Variants in HNRNPF observed in about 807,000 individuals in gnomAD.
The protein encoded by HNRNPF is heterogeneous nuclear ribonucleoprotein F, also known as HnRNP F protein.
HNRNPF carries 2 observed loss-of-function variants against 26.0 expected under a neutral mutation model. The ratio of observed to expected loss-of-function variants is 0.08; its 90% confidence interval spans 0.03 to 0.24. HNRNPF has a LOEUF of 0.24. Among genes scored for constraint, HNRNPF ranks in the 10% least tolerant of loss-of-function variants. The pLI is 1.00. For missense variants in HNRNPF, 299 were observed against 539.2 expected, an observed-to-expected ratio of 0.55 and a Z score of 4.41; for synonymous variants, 234 against 211.5, an observed-to-expected ratio of 1.11 and a Z score of -0.92.
chr10:43,399,450 G>T (rs1451977361), intron 1 of HNRNPF, among the ~76,000 whole-genome samples: 1 of 152,196 alleles, frequency 6.6e-6, no homozygotes, highest in Non-Finnish European at 1.5e-5. Flanking sequence ...AATGTGTGCA[G>T]AAGACTTGAG....
At chr10:43,396,272 G>A (rs1050298218) in intron 2 of HNRNPF, among the ~76,000 whole-genome samples, 184 bp downstream of exon 2, 1 of 152,212 alleles carries the variant, frequency 6.6e-6, no homozygotes, top group Non-Finnish European at 1.5e-5. Flanking sequence ...TTCAGGACAG[G>A]ACTCGAGGAA....
At chr10:43,390,890 G>A (rs1448100628) in intron 3 of HNRNPF, among the ~76,000 whole-genome samples, 1 of 151,986 alleles carries the variant, frequency 6.6e-6, no homozygotes, top group African/African-American at 2.4e-5. Context: ...TGCATCCCTG[G>A]TCTCTGCCCA....
At chr10:43,406,071 T>C (rs1838909513) in intron 1 of HNRNPF, among the ~76,000 whole-genome samples, 2 of 152,150 alleles carry the variant, frequency 1.3e-5, no homozygotes, top group South Asian at 2.1e-4. Context: ...CCTTCTGGAG[T>C]AGTCCTGAGC....
intron 1 of HNRNPF, among the ~76,000 whole-genome samples, chr10:43,398,013 T>TG (rs1465236931): frequency 6.6e-6 from 1 of 152,224 alleles, no homozygotes; most frequent in African/African-American, 2.4e-5. Flanking sequence ...TGTGTATGTT[T>TG]GACTGTTTTG....
At chr10:43,401,341 AAT>A (rs1398672814) in intron 1 of HNRNPF, among the ~76,000 whole-genome samples, 2 of 152,232 alleles carry the variant, frequency 1.3e-5, no homozygotes, top group South Asian at 2.1e-4. Context: ...AGTATAATGT[AAT>A]GTTAGATAAA....
chr10:43,389,799 T>A (rs1273798702), intron 3 of HNRNPF, among the ~76,000 whole-genome samples: 1 of 152,234 alleles, frequency 6.6e-6, no homozygotes, highest in Non-Finnish European at 1.5e-5. Context: ...CTAAAAGATG[T>A]CACCCTTGCT....
intron 1 of HNRNPF, among the ~76,000 whole-genome samples, chr10:43,406,723 G>C (rs1055102584): frequency 5.3e-5 from 8 of 152,060 alleles, no homozygotes; most frequent in Non-Finnish European, 1.5e-5. Flanking sequence ...TATAGAGACG[G>C]GGTAGGTCTC....
At chr10:43,402,821 T>C (rs1488402044) in intron 1 of HNRNPF, among the ~76,000 whole-genome samples, 1 of 152,148 alleles carries the variant, frequency 6.6e-6, no homozygotes, top group African/African-American at 2.4e-5. Flanking sequence ...GCATTTTGTC[T>C]AACAGGAGGC....
At chr10:43,406,120 T>C (rs1454195135) in intron 1 of HNRNPF, among the ~76,000 whole-genome samples, 1 of 152,116 alleles carries the variant, frequency 6.6e-6, no homozygotes, top group Non-Finnish European at 1.5e-5. Context: ...TAGGACCTAG[T>C]AAGAGTCAAC....
chr10:43,391,361 G>C (rs1249648504), intron 3 of HNRNPF, among the ~76,000 whole-genome samples: 1 of 151,922 alleles, frequency 6.6e-6, no homozygotes, highest in Non-Finnish European at 1.5e-5. Flanking sequence ...CGGAGGCTGA[G>C]GCAAGAGAAT....
intron 1 of HNRNPF, among the ~76,000 whole-genome samples, chr10:43,408,297 A>T (rs1399323045): frequency 6.6e-6 from 1 of 152,050 alleles, no homozygotes; most frequent in African/African-American, 2.4e-5. Context: ...TCCTGACTCC[A>T]AAATCTCAGC....
chr10:43,387,988 C>T lies in HNRNPF; in HGVS notation c.-52-52G>A. On this transcript the variant is annotated intron_variant, in intron 3 of 3. Coordinates refer to ENST00000682386, the MANE Select transcript of HNRNPF (RefSeq NM_001098204.2). This position sits in a 1 kb window ranked among gnomAD's most constrained non-coding sequence, Gnocchi z 6.0. ...TTTAGTATGCAACAGAAATTTTCCC[C>T]ATTTTACAGACGAGAGAGGTAGCAA... is the stretch of plus-strand genomic sequence containing the variant. The T allele has an allele frequency of 2.1e-6, 2 of 953,734 alleles. No individual in the cohort carries two copies. The highest frequency in any genetic ancestry group is 3.1e-6 in the Non-Finnish European group (2 of 646,874). 59.1% of individuals were successfully genotyped at this position (953,734 alleles called of 1,614,324 possible). A position where few individuals can be genotyped will look rare whatever the true frequency, so the allele number is the denominator to read the frequency against.
chr10:43,403,427 T>A (rs1296967447), intron 1 of HNRNPF, among the ~76,000 whole-genome samples: 2 of 152,228 alleles, frequency 1.3e-5, no homozygotes, highest in South Asian at 4.1e-4. Flanking sequence ...AACTTGGAAT[T>A]GATTTTTTCA....
At chr10:43,395,056 G>T (rs1353619757) in intron 2 of HNRNPF, among the ~76,000 whole-genome samples, 1 of 152,054 alleles carries the variant, frequency 6.6e-6, no homozygotes, top group African/African-American at 2.4e-5. Flanking sequence ...CCTGACCTCA[G>T]GTGATCCGCC....
chr10:43,386,031 A>C lies in HNRNPF; in HGVS notation c.*606T>G, dbSNP rs117712109. ...TAATCTGTGCCAGTCATTGTGAAAA[A>C]GTCTTTATTTTAAGAAAAAAATTTA... On this transcript the variant is annotated 3_prime_UTR_variant, in exon 4 of 4. Transcript: ENST00000682386. 7.9e-3 allele frequency: 1,208 copies of C among 152,744 alleles called. 28 individuals carry two copies. The highest frequency in any genetic ancestry group is 0.041 in the Admixed American group (627 of 15,300). The allele number at this position is 152,744 out of a possible 1,614,324, so 9.5% of individuals were successfully genotyped here. A position where few individuals can be genotyped will look rare whatever the true frequency, so the allele number is the denominator to read the frequency against.
rs577080190 is a variant in HNRNPF, at chr10:43,387,125, C to T, written c.760G>A (p.Gly254Ser). 10 of 1,613,884 alleles carry T rather than the reference C, an allele frequency of 6.2e-6. No individual in the cohort carries two copies. Among genetic ancestry groups the T allele is most frequent in the Middle Eastern group, 1.6e-4 (1 of 6,062 alleles). ...EEYSGLSDGY[G>S]FTTDLFGRDL... ...CTCCCGAACAGGTCGGTGGTGAAGC[C>T]GTAGCCATCACTGAGGCCACTGTAC... The change falls in exon 4 of 4, where the codon GGC becomes AGC. Residue 254 changes from glycine to serine, a missense_variant. Physicochemically the swap from Gly to Ser is moderately conservative, Grantham distance 56. Coordinates refer to ENST00000682386, the MANE Select transcript of HNRNPF (RefSeq NM_001098204.2). This position sits in a 1 kb window ranked among gnomAD's most constrained non-coding sequence, Gnocchi z 6.0.
At chr10:43,407,299 C>T (rs1288802356) in intron 1 of HNRNPF, among the ~76,000 whole-genome samples, 1 of 151,732 alleles carries the variant, frequency 6.6e-6, no homozygotes, top group East Asian at 1.9e-4. Flanking sequence ...CGCAGATGGC[C>T]GGCCCGAGCC....
At chr10:43,390,948 C>T (rs1014713389) in intron 3 of HNRNPF, among the ~76,000 whole-genome samples, 1 of 152,106 alleles carries the variant, frequency 6.6e-6, no homozygotes, top group South Asian at 2.1e-4. Flanking sequence ...AACCGAATGT[C>T]TCCAGACATT....
chr10:43,399,260 A>G (rs1004186219), intron 1 of HNRNPF, among the ~76,000 whole-genome samples: 1 of 151,312 alleles, frequency 6.6e-6, no homozygotes, highest in African/African-American at 2.4e-5. Context: ...TTTTTTTTTT[A>G]ATTTTTTAGT....
Sources: allele counts gnomAD v4.1 joint callset (sites outside exome capture counted in the v4.1 genomes callset), GRCh38; gene constraint gnomAD v4.1.1; non-coding constraint Gnocchi (gnomAD v3.1); transcripts MANE v1.5; gene names NCBI Gene and HGNC (gene_info 2026-07-23, HGNC 2026-07-21).